The following PCDH9 variants were observed in gnomAD, a reference collection of about 807,000 sequenced individuals.
PCDH9 encodes protocadherin-9.
A neutral mutation model predicts 70.6 loss-of-function variants in PCDH9; 24 were observed. The observed-to-expected ratio is 0.34, with a 90% CI of 0.25 to 0.48. The LOEUF (loss-of-function observed/expected upper bound fraction) is 0.48, where lower values mean the gene tolerates loss of function less well. Ranked by LOEUF, PCDH9 falls within the 20% of genes least tolerant of loss-of-function variation. The pLI is 0.99. For missense variants in PCDH9, 1,281 were observed against 1,503.6 expected (o/e 0.85, Z 2.45); for synonymous variants, 562 against 558.5 (o/e 1.01, Z -0.09).
At chr13:66,777,679 G>C (rs1434057560) in intron 3 of PCDH9, among the ~76,000 whole-genome samples, 1 of 152,164 alleles carries the variant, frequency 6.6e-6, no homozygotes, top group African/African-American at 2.4e-5. Context: ...TGACACTGTT[G>C]GTGGGACTGT....
intron 2 of PCDH9, among the ~76,000 whole-genome samples, chr13:67,112,684 T>G (rs1297803275): frequency 1.4e-5 from 2 of 146,758 alleles, no homozygotes; most frequent in Non-Finnish European, 3.0e-5. Context: ...CCTCCCTCGC[T>G]CCCTTCTTCC....
intron 2 of PCDH9, among the ~76,000 whole-genome samples, chr13:66,957,047 C>T (rs1245810675): frequency 6.6e-6 from 1 of 152,082 alleles, no homozygotes; most frequent in Non-Finnish European, 1.5e-5. Flanking sequence ...ATTATAGCAC[C>T]CACAATTTAA....
At chr13:66,362,050 A>G (rs1956479750) in intron 4 of PCDH9, among the ~76,000 whole-genome samples, 1 of 152,176 alleles carries the variant, frequency 6.6e-6, no homozygotes, top group African/African-American at 2.4e-5. Context: ...TTTTGGATTC[A>G]TCTTCTTACT....
At chr13:66,882,121 G>A (rs1566264099) in intron 3 of PCDH9, among the ~76,000 whole-genome samples, 1 of 152,120 alleles carries the variant, frequency 6.6e-6, no homozygotes. Context: ...GAACACTGGT[G>A]TCTCAGAAGT....
chr13:67,104,763 A>G (rs2086503365), intron 2 of PCDH9, among the ~76,000 whole-genome samples: 1 of 152,022 alleles, frequency 6.6e-6, no homozygotes, highest in Admixed American at 6.6e-5. Context: ...GTTAACCAGG[A>G]TGGTCTCAGT....
intron 4 of PCDH9, among the ~76,000 whole-genome samples, chr13:66,331,415 A>C (rs1437015738): frequency 2.0e-5 from 3 of 152,182 alleles, no homozygotes; most frequent in Non-Finnish European, 2.9e-5. Context: ...GAGGAGAAGT[A>C]AATGGTTACA....
At position 67,122,624 on chromosome 13, in the gene PCDH9, A is replaced by T. The variant is rs9317640; in HGVS notation, c.3036+102781T>A. Among the ~76,000 whole-genome samples the T allele has an allele frequency of 1.3e-3, 191 of 151,606 alleles. 1 individual carries two copies. The highest frequency in any genetic ancestry group is 4.5e-3 in the African/African-American group (185 of 41,334). On this transcript the variant is annotated intron_variant, in intron 2 of 4. Coordinates refer to ENST00000377865, the MANE Select transcript of PCDH9 (RefSeq NM_203487.3). ...CCTGTCTGTACTAAAATACAAAAAA[A>T]TTAGCTGGGTGTAGTGATGCGTGCC...
At chr13:66,458,443 A>T (rs1479325779) in intron 4 of PCDH9, among the ~76,000 whole-genome samples, 1 of 152,068 alleles carries the variant, frequency 6.6e-6, no homozygotes, top group East Asian at 1.9e-4. Flanking sequence ...CAACCTTAGG[A>T]AGCCACATCT....
chr13:66,455,072 C>T (rs926879835), intron 4 of PCDH9, among the ~76,000 whole-genome samples: 1 of 151,926 alleles, frequency 6.6e-6, no homozygotes, highest in Non-Finnish European at 1.5e-5. Flanking sequence ...ATAATTCTGT[C>T]GTTATACAGA....
chr13:66,375,862 G>A (rs1956737143), intron 4 of PCDH9, among the ~76,000 whole-genome samples: 1 of 151,954 alleles, frequency 6.6e-6, no homozygotes, highest in Non-Finnish European at 1.5e-5. Context: ...GCTTCCATTA[G>A]GGTCAAAGTG....
At chr13:66,986,804 A>C (rs2083900192) in intron 2 of PCDH9, among the ~76,000 whole-genome samples, 2 of 152,110 alleles carry the variant, frequency 1.3e-5, no homozygotes, top group East Asian at 1.9e-4. Flanking sequence ...TTTCATTTTC[A>C]ATAATTTTTA....
intron 3 of PCDH9, among the ~76,000 whole-genome samples, chr13:66,769,035 T>A (rs1392079822): frequency 6.6e-6 from 1 of 152,098 alleles, no homozygotes; most frequent in African/African-American, 2.4e-5. Flanking sequence ...TCATCTTACT[T>A]TGTACATATT....
intron 3 of PCDH9, among the ~76,000 whole-genome samples, chr13:66,765,389 G>A (rs1004192820): frequency 1.3e-5 from 2 of 151,896 alleles, no homozygotes; most frequent in African/African-American, 2.4e-5. Context: ...ACATGCTAAT[G>A]TCTTATACTT....
At chr13:67,050,684 ACT>A (rs1250569556) in intron 2 of PCDH9, among the ~76,000 whole-genome samples, 6 of 152,112 alleles carry the variant, frequency 3.9e-5, no homozygotes, top group African/African-American at 1.4e-4. Flanking sequence ...TGGAACAGTG[ACT>A]CTGTCTAGCG....
chr13:66,544,762 A>G (rs1961111335), intron 4 of PCDH9, among the ~76,000 whole-genome samples: 1 of 152,150 alleles, frequency 6.6e-6, no homozygotes, highest in Admixed American at 6.5e-5. Context: ...GGTTGTTGCC[A>G]TGGCATTTGT....
intron 3 of PCDH9, among the ~76,000 whole-genome samples, chr13:66,726,653 A>T (rs17081665): frequency 0.15 from 23,331 of 152,150 alleles, 2,018 homozygotes; most frequent in African/African-American, 0.22. Flanking sequence ...CAATGCTTGA[A>T]GTAGCTTGAA....
chr13:66,348,401 C>CT (rs58647614), intron 4 of PCDH9, among the ~76,000 whole-genome samples: 7 of 145,322 alleles, frequency 4.8e-5, no homozygotes, highest in African/African-American at 1.5e-4. Flanking sequence ...ATTTTCTTTT[C>CT]TTTTTTTTTT....
Position 66,956,922 on chromosome 13 carries a change from T to G in PCDH9, c.3037-53317A>C, listed in dbSNP as rs151111439. Among the ~76,000 whole-genome samples, 758 of 152,296 alleles carry G rather than the reference T, an allele frequency of 5.0e-3. 10 individuals carry two copies. Among genetic ancestry groups the G allele is most frequent in the African/African-American group, 0.017 (724 of 41,562 alleles). ...TGGGCTGGCATTTTATTCCAATATA[T>G]GAGGCATTTGAAACCCTGGCTTCCA... On this transcript the variant is annotated intron_variant, in intron 2 of 4. Transcript: ENST00000377865.
intron 4 of PCDH9, among the ~76,000 whole-genome samples, chr13:66,333,067 G>C (rs920104322): frequency 1.3e-5 from 2 of 151,998 alleles, no homozygotes; most frequent in African/African-American, 2.4e-5. Flanking sequence ...TTTTAATTAT[G>C]ATAGAATTGA....
Sources: allele counts gnomAD v4.1 joint callset (sites outside exome capture counted in the v4.1 genomes callset), GRCh38; gene constraint gnomAD v4.1.1; transcripts MANE v1.5; gene names NCBI Gene and HGNC (gene_info 2026-07-23, HGNC 2026-07-21).